Variants in MYO16 observed in about 807,000 individuals in gnomAD.
The protein encoded by MYO16 is unconventional myosin-XVI.
In MYO16, 94 loss-of-function variants were observed where a neutral mutation model predicts 205.3. The observed-to-expected ratio is 0.46, with a 90% CI of 0.39 to 0.54. MYO16 has a LOEUF of 0.54. Among genes scored for constraint, MYO16 ranks in the 20% least tolerant of loss-of-function variants. MYO16 has a pLI of 0.00. For missense variants in MYO16, 2,315 were observed against 2,387.5 expected, an observed-to-expected ratio of 0.97 and a Z score of 0.63; for synonymous variants, 988 against 954.0, an observed-to-expected ratio of 1.04 and a Z score of -0.66.
chr13:108,594,350 C>T (rs1227465280), upstream of MYO16, among the ~76,000 whole-genome samples: 1 of 152,168 alleles, frequency 6.6e-6, no homozygotes, highest in Non-Finnish European at 1.5e-5. Flanking sequence ...CTCATTGCAG[C>T]CATGGTAACC....
At chr13:108,565,751 T>C in the MYO16 span, among the ~76,000 whole-genome samples, 9 of 152,342 alleles carry the variant, frequency 5.9e-5, no homozygotes, top group East Asian at 1.5e-3. Flanking sequence ...CATCCTGTTA[T>C]ATTTCAGATT....
In MYO16 at chr13:108,604,903, A is replaced by G. The variant is rs1027737845; in HGVS notation, c.-39+8664A>G. Among the ~76,000 whole-genome samples, 3 of 152,174 alleles carry G rather than the reference A, an allele frequency of 2.0e-5. No individual in the cohort carries two copies. The East Asian group carries it at 5.8e-4, about 29-fold the overall frequency. ...TATTATTGAGTAAATGGCTGGATGCATAGTTGGATGGATGGATTGGTGGTT... is the reference window on the plus strand; with the variant it reads ...TATTATTGAGTAAATGGCTGGATGCGTAGTTGGATGGATGGATTGGTGGTT... On this transcript the variant is annotated intron_variant, in intron 1 of 24. Transcript: ENST00000251041.
At chr13:109,163,011 G>T (rs1236245254) in intron 32 of MYO16, among the ~76,000 whole-genome samples, 1 of 152,182 alleles carries the variant, frequency 6.6e-6, no homozygotes, top group Non-Finnish European at 1.5e-5. Flanking sequence ...GAAGGTCTTT[G>T]TTTTTTATGT....
At chr13:108,656,794 C>T (rs1566532451) in intron 1 of MYO16, among the ~76,000 whole-genome samples, 1 of 152,176 alleles carries the variant, frequency 6.6e-6, no homozygotes, top group Non-Finnish European at 1.5e-5. Context: ...GAACCTTTCA[C>T]CAGAATCCGC....
At chr13:108,955,337 T>C (rs1162240390) in intron 16 of MYO16, among the ~76,000 whole-genome samples, 1 of 152,132 alleles carries the variant, frequency 6.6e-6, no homozygotes, top group Non-Finnish European at 1.5e-5. Flanking sequence ...TGCTTCTATC[T>C]CAGCAGATTC....
rs758683308 is a variant in MYO16 at position 108,629,853 on chromosome 13, C to T, written c.9C>T (p.His3=). MS[H]YHFIKCCCFQ... Reference sequence around the variant, plus strand: ...CTGTCTGAGATGGAAAGATGTCTCACTATCATTTTATCAAGTGCTGTAAGT... The same window carrying T: ...CTGTCTGAGATGGAAAGATGTCTCATTATCATTTTATCAAGTGCTGTAAGT... Residue 3 remains histidine, a synonymous_variant, in exon 1 of 35, where the codon CAC becomes CAT. Coordinates refer to ENST00000457511, the MANE Select transcript of MYO16 (RefSeq NM_001198950.3). 8.5e-6 allele frequency: 13 copies of T among 1,528,858 alleles called. No individual in the cohort carries two copies. In the Admixed American group the frequency reaches 2.6e-4, roughly 30 times the overall value. The allele number at this position is 1,528,858 out of a possible 1,614,324, so 94.7% of individuals were successfully genotyped here. A position where few individuals can be genotyped will look rare whatever the true frequency, so the allele number is the denominator to read the frequency against.
intron 4 of MYO16, among the ~76,000 whole-genome samples, chr13:108,785,227 T>C (rs914821316): frequency 2.6e-5 from 4 of 152,160 alleles, no homozygotes; most frequent in Admixed American, 2.6e-4. Flanking sequence ...ATTGGGGAAC[T>C]TTGGCCAAAG....
At chr13:108,535,849 T>C in the MYO16 span, among the ~76,000 whole-genome samples, 1 of 152,328 alleles carries the variant, frequency 6.6e-6, no homozygotes, top group African/African-American at 2.4e-5. Flanking sequence ...CTTTTCAATA[T>C]TTTACTTAAT....
rs1000661447 is a variant in MYO16 at position 109,017,287 on chromosome 13, T to G, written c.2596-2424T>G. Among the ~76,000 whole-genome samples, 10 of 152,338 alleles carry G rather than the reference T, an allele frequency of 6.6e-5. No individual in the cohort carries two copies. In the East Asian group the frequency reaches 1.9e-3, roughly 29 times the overall value. ...TTCTTTTCTTTAAGAATGTTGAATA[T>G]TGACCCCCACTCTCTTCTGGCTTTT... On this transcript the variant is annotated intron_variant, in intron 22 of 34. Coordinates refer to ENST00000457511, the MANE Select transcript of MYO16 (RefSeq NM_001198950.3).
chr13:108,908,077 A>G (rs929126632), intron 15 of MYO16, among the ~76,000 whole-genome samples: 2 of 152,336 alleles, frequency 1.3e-5, no homozygotes, highest in African/African-American at 2.4e-5. Context: ...AAAGAAAAAA[A>G]TATTTAAAAC....
intron 27 of MYO16, among the ~76,000 whole-genome samples, chr13:109,098,404 G>A (rs1888845048): frequency 6.6e-6 from 1 of 152,202 alleles, no homozygotes; most frequent in South Asian, 2.1e-4. Context: ...ACTTGCAGAA[G>A]CATTTTCCCT....
intron 22 of MYO16, among the ~76,000 whole-genome samples, chr13:109,015,123 T>G (rs1321507340): frequency 1.3e-5 from 2 of 152,214 alleles, no homozygotes; most frequent in Admixed American, 1.3e-4. Context: ...CTCATTATTT[T>G]GAGATACGTT....
chr13:108,627,218 T>C (rs1879776292), upstream of MYO16, among the ~76,000 whole-genome samples: 1 of 152,042 alleles, frequency 6.6e-6, no homozygotes, highest in Non-Finnish European at 1.5e-5. Context: ...GGTTTAAACA[T>C]AGTTCTACCA....
At chr13:108,510,325 G>A in the MYO16 span, among the ~76,000 whole-genome samples, 3 of 151,866 alleles carry the variant, frequency 2.0e-5, no homozygotes, top group East Asian at 3.9e-4. Context: ...CACCGTGTTA[G>A]GCAGGATGGT....
intron 6 of MYO16, among the ~76,000 whole-genome samples, chr13:108,794,868 G>GA (rs1886735956): frequency 1.3e-5 from 2 of 152,046 alleles, no homozygotes; most frequent in Non-Finnish European, 2.9e-5. Context: ...TTACTCCCAT[G>GA]AAAAAAACAT....
chr13:109,015,108 T>G (rs973242681), intron 22 of MYO16, among the ~76,000 whole-genome samples: 23 of 152,208 alleles, frequency 1.5e-4, no homozygotes, highest in African/African-American at 5.3e-4. Context: ...TTGTCATAAA[T>G]AGCTCTCATT....
intron 16 of MYO16, among the ~76,000 whole-genome samples, chr13:108,948,929 T>G (rs1212539318): frequency 6.6e-6 from 1 of 152,218 alleles, no homozygotes; most frequent in Non-Finnish European, 1.5e-5. Context: ...TTTGGCTATG[T>G]TATGGACTCA....
At chr13:108,601,826 G>T (rs190017553) in intron 1 of MYO16, among the ~76,000 whole-genome samples, 3 of 152,104 alleles carry the variant, frequency 2.0e-5, no homozygotes, top group East Asian at 1.9e-4. Flanking sequence ...TCACCAAGAC[G>T]TTCAGGAGCC....
intron 34 of MYO16, among the ~76,000 whole-genome samples, chr13:109,199,112 A>G (rs1880282677): frequency 6.7e-6 from 1 of 149,350 alleles, no homozygotes; most frequent in African/African-American, 2.5e-5. Context: ...ATTCAGATCA[A>G]AGGTTAATTA....
Sources: allele counts gnomAD v4.1 joint callset (sites outside exome capture counted in the v4.1 genomes callset), GRCh38; gene constraint gnomAD v4.1.1; transcripts MANE v1.5; gene names NCBI Gene and HGNC (gene_info 2026-07-23, HGNC 2026-07-21).